The following PREX1 variants were observed in gnomAD, a reference collection of about 807,000 sequenced individuals.
PREX1 encodes the protein phosphatidylinositol 3,4,5-trisphosphate-dependent Rac exchanger 1 protein.
A neutral mutation model predicts 198.3 loss-of-function variants in PREX1; 41 were observed. The ratio of observed to expected loss-of-function variants is 0.21; its 90% CI spans 0.16 to 0.27. The LOEUF (loss-of-function observed/expected upper bound fraction) is 0.27, where lower values mean the gene tolerates loss of function less well. Ranked by LOEUF, PREX1 falls within the 10% of genes least tolerant of loss-of-function variation. The pLI is 1.00. For synonymous variants in PREX1, 843 were observed against 887.2 expected, an observed-to-expected ratio of 0.95 and a Z score of 0.89; for missense variants, 1,620 against 2,200.7, an observed-to-expected ratio of 0.74 and a Z score of 5.28.
rs2089799824 is a variant in PREX1 at position 48,688,746 on chromosome 20, C to T, written c.1245G>A (p.Lys415=). The stretch of plus-strand genomic sequence containing the variant: ...TCTTGTTCATCATCATGTGGTACAG[C>T]TTCTCCCCCTTCTCCGCAATCATGA... ...AYVMIAEKGE[K]LYHMMMNKKV... The change falls in exon 10 of 40, where the codon AAG becomes AAA. Residue 415 remains lysine, a synonymous_variant. Transcript: ENST00000371941. 1 of 1,614,078 alleles carries T rather than the reference C, an allele frequency of 6.2e-7. No homozygotes were observed. The highest frequency in any genetic ancestry group is 1.7e-5 in the Admixed American group (1 of 60,006).
At chr20:48,758,401 G>A (rs896050803) in intron 1 of PREX1, among the ~76,000 whole-genome samples, 1 of 152,186 alleles carries the variant, frequency 6.6e-6, no homozygotes, top group African/African-American at 2.4e-5. Flanking sequence ...TCCCTCTGGT[G>A]TGCCCTGGAG....
At chr20:48,873,805 C>T in the PREX1 span, among the ~76,000 whole-genome samples, 3 of 152,240 alleles carry the variant, frequency 2.0e-5, no homozygotes, top group Non-Finnish European at 2.9e-5. Context: ...AAATACGTCA[C>T]CATGCTCCTC....
chr20:48,730,418 C>T (rs866086436), intron 4 of PREX1, among the ~76,000 whole-genome samples: 2,220 of 125,186 alleles, frequency 0.018, 54 homozygotes, highest in African/African-American at 0.064. Context: ...AGCCACCACA[C>T]ACACACACAC....
chr20:48,649,036 T>A (rs1055649731), intron 25 of PREX1, among the ~76,000 whole-genome samples: 1 of 152,218 alleles, frequency 6.6e-6, no homozygotes, highest in African/African-American at 2.4e-5. Flanking sequence ...TAATATTTCA[T>A]TACACCAGTG....
At chr20:48,701,534 GT>G (rs148282230) in intron 6 of PREX1, among the ~76,000 whole-genome samples, 4 of 150,756 alleles carry the variant, frequency 2.7e-5, no homozygotes, top group East Asian at 1.9e-4. Context: ...TTTATTGTGG[GT>G]TTTTTTTTCA....
At position 48,666,449 on chromosome 20, in the gene PREX1, G is replaced by A. The variant is rs1262874828; in HGVS notation, c.1666-94C>T. ...AGCCCACAACCACCCAAGAAGGTAG[G>A]CTCCACGAGGGCCAGGGGTTGTCTG... is the stretch of plus-strand genomic sequence containing the variant. On this transcript the variant is annotated intron_variant, in intron 14 of 39. Transcript: ENST00000371941. This position sits in a 1 kb window ranked among gnomAD's most constrained non-coding sequence, Gnocchi z 4.3. 9.6e-7 allele frequency: 1 copy of A among 1,041,920 alleles called. No homozygotes were observed. The highest frequency in any genetic ancestry group is 1.4e-6 in the Non-Finnish European group (1 of 696,194). 64.5% of individuals were successfully genotyped at this position (1,041,920 alleles called of 1,614,324 possible). A position where few individuals can be genotyped will look rare whatever the true frequency, so the allele number is the denominator to read the frequency against.
chr20:48,725,999 T>C (rs73256445), intron 5 of PREX1, among the ~76,000 whole-genome samples: 1 of 152,244 alleles, frequency 6.6e-6, no homozygotes, highest in African/African-American at 2.4e-5. Flanking sequence ...ACAGAATGAA[T>C]CTCAGGACTT....
At chr20:48,888,168 C>T in the PREX1 span, among the ~76,000 whole-genome samples, 2 of 151,828 alleles carry the variant, frequency 1.3e-5, no homozygotes, top group African/African-American at 4.8e-5. Flanking sequence ...ACATGGTGGC[C>T]GCAAGAAAGA....
chr20:48,734,032 G>C (rs78909076), intron 4 of PREX1, among the ~76,000 whole-genome samples: 96 of 152,148 alleles, frequency 6.3e-4, no homozygotes, highest in Admixed American at 2.2e-3. Context: ...GATTACAGGC[G>C]TGAGTCCCCG....
At chr20:48,657,510 C>A (rs963014562) in intron 17 of PREX1, among the ~76,000 whole-genome samples, 2 of 152,194 alleles carry the variant, frequency 1.3e-5, no homozygotes, top group Non-Finnish European at 2.9e-5. Flanking sequence ...TAGGGCCTGG[C>A]GAAGAAAGAT....
chr20:48,869,572 T>C, the PREX1 span, among the ~76,000 whole-genome samples: 1 of 152,094 alleles, frequency 6.6e-6, no homozygotes, highest in African/African-American at 2.4e-5. Flanking sequence ...CTATTTACAA[T>C]AGCAAAGGCA....
Position 48,649,403 on chromosome 20 carries a change from G to A in PREX1, c.3202C>T (p.Leu1068Phe), listed in dbSNP as rs754324714. ...GQEDRGLSFL[L>F]KQEDREIQDA... is the part of the protein sequence containing the mutation. ...TGGATCTCACGGTCCTCCTGCTTGA[G>A]TAGGAAGCTGAGGCCCCGGTCTTCC... is the stretch of plus-strand genomic sequence containing the variant. The change falls in exon 25 of 40, where the codon CTC (leucine) becomes TTC (phenylalanine). Residue 1068 changes from leucine to phenylalanine, a missense_variant. This residue lies in a region of PREX1 where 514 missense variants were observed against 611.6 expected (regional missense o/e 0.84). Coordinates refer to ENST00000371941, the MANE Select transcript of PREX1 (RefSeq NM_020820.4). 4 of 1,614,188 alleles carry A rather than the reference G, an allele frequency of 2.5e-6. No individual in the cohort carries two copies. The highest frequency in any genetic ancestry group is 3.4e-6 in the Non-Finnish European group (4 of 1,180,008).
chr20:48,816,821 TG>T (rs35040489), intron 1 of PREX1, among the ~76,000 whole-genome samples: 18,273 of 152,192 alleles, frequency 0.12, 1,378 homozygotes, highest in Non-Finnish European at 0.16. Flanking sequence ...AACACCCTGA[TG>T]GCAGCCTCAT....
chr20:48,681,583 G>T (rs952821480), intron 10 of PREX1, among the ~76,000 whole-genome samples: 5 of 152,202 alleles, frequency 3.3e-5, no homozygotes, highest in African/African-American at 1.2e-4. Context: ...TGCATGGATG[G>T]ATGGAAGGAA....
chr20:48,771,715 C>A (rs1314312602), intron 1 of PREX1, among the ~76,000 whole-genome samples: 1 of 152,186 alleles, frequency 6.6e-6, no homozygotes, highest in Non-Finnish European at 1.5e-5. Context: ...GAACCCGAGG[C>A]CCAGCTGATG....
rs201371897 is a variant in PREX1, at chr20:48,641,818, GAAAGAA to G, written c.3775+344_3775+349del. On this transcript the variant is annotated intron_variant, in intron 29 of 39. Transcript: ENST00000371941. ...AAAAAACAAGAAAGAAAGAAAGAAA[GAAAGAA>G]AGAGAGAGAGAGAGAGAGGAAGGAA... 7.6e-4 allele frequency among the ~76,000 whole-genome samples: 98 copies of G among 128,432 alleles called. No homozygotes were observed. In the South Asian group the frequency reaches 0.011, roughly 14 times the overall value. 84.3% of individuals were successfully genotyped at this position (128,432 alleles called of 152,430 possible). A position where few individuals can be genotyped will look rare whatever the true frequency, so the allele number is the denominator to read the frequency against.
intron 5 of PREX1, among the ~76,000 whole-genome samples, chr20:48,724,687 T>C (rs1463439281): frequency 6.6e-6 from 1 of 152,264 alleles, no homozygotes; most frequent in Non-Finnish European, 1.5e-5. Flanking sequence ...CCATGGGCTA[T>C]ATTTGGCCCA....
chr20:48,813,046 T>C (rs1022246730), intron 1 of PREX1, among the ~76,000 whole-genome samples: 2 of 152,188 alleles, frequency 1.3e-5, no homozygotes, highest in African/African-American at 2.4e-5. Flanking sequence ...GTGGGCGTCC[T>C]AGGGAGCCGG....
At chr20:48,741,926 T>C (rs145737276) in intron 3 of PREX1, among the ~76,000 whole-genome samples, 1,817 of 152,196 alleles carry the variant, frequency 0.012, 18 homozygotes, top group Middle Eastern at 0.082. Context: ...TTCCGAGGAA[T>C]GAACAGGGCC....
Sources: allele counts gnomAD v4.1 joint callset (sites outside exome capture counted in the v4.1 genomes callset), GRCh38; gene constraint gnomAD v4.1.1; regional missense constraint gnomAD v4.1.1; non-coding constraint Gnocchi (gnomAD v3.1); transcripts MANE v1.5; gene names NCBI Gene and HGNC (gene_info 2026-07-23, HGNC 2026-07-21).